The following CSMD1 variants were observed in gnomAD, a reference collection of about 807,000 sequenced individuals.
The protein encoded by CSMD1 is CUB and Sushi multiple domains 1, also known as CUB and sushi domain-containing protein 1.
In CSMD1, 213 loss-of-function variants were observed where a neutral mutation model predicts 417.5. The ratio of observed to expected loss-of-function variants is 0.51; its 90% CI spans 0.46 to 0.57. The LOEUF is 0.57. CSMD1 is among the 20% of genes least tolerant of loss of function. The pLI, the probability that CSMD1 is intolerant of heterozygous loss-of-function variation, is 0.00. For synonymous variants in CSMD1, 2,862 were observed against 1,736.8 expected (o/e 1.65, Z -16.11); for missense variants, 6,923 against 4,529.7 (o/e 1.53, Z -15.17).
At chr8:3,958,692 G>T (rs1298890939) in intron 5 of CSMD1, among the ~76,000 whole-genome samples, 2 of 152,088 alleles carry the variant, frequency 1.3e-5, no homozygotes, top group African/African-American at 4.8e-5. Context: ...AATGGATCAG[G>T]ACATAACTGA....
At chr8:3,663,847 T>G (rs1177013573) in intron 7 of CSMD1, among the ~76,000 whole-genome samples, 1 of 152,174 alleles carries the variant, frequency 6.6e-6, no homozygotes, top group Non-Finnish European at 1.5e-5. Flanking sequence ...GCACGTGTTA[T>G]CAGGATCTTC....
At chr8:3,762,481 T>A (rs1798060550) in intron 5 of CSMD1, among the ~76,000 whole-genome samples, 1 of 152,182 alleles carries the variant, frequency 6.6e-6, no homozygotes, top group Admixed American at 6.6e-5. Context: ...GGCACATGGC[T>A]GTGCTTTGGT....
At chr8:3,024,116 C>G (rs1446332975) in intron 51 of CSMD1, among the ~76,000 whole-genome samples, 3 of 150,300 alleles carry the variant, frequency 2.0e-5, no homozygotes, top group East Asian at 2.0e-4. Context: ...TATATTATTA[C>G]CAGGATTCAT....
intron 26 of CSMD1, among the ~76,000 whole-genome samples, chr8:3,251,058 T>C (rs1014253426): frequency 2.6e-5 from 4 of 152,194 alleles, no homozygotes; most frequent in African/African-American, 9.6e-5. Context: ...GCAGAAGCTC[T>C]TTAGTTTAAT....
At chr8:3,938,882 G>A (rs181924009) in intron 5 of CSMD1, among the ~76,000 whole-genome samples, 1 of 152,204 alleles carries the variant, frequency 6.6e-6, no homozygotes, top group East Asian at 1.9e-4. Context: ...CATTAAGTGT[G>A]ACAACTGTAT....
At chr8:3,061,980 G>A (rs1812618005) in intron 49 of CSMD1, among the ~76,000 whole-genome samples, 1 of 152,082 alleles carries the variant, frequency 6.6e-6, no homozygotes, top group South Asian at 2.1e-4. Flanking sequence ...ACTCTCCTGT[G>A]CTGTCTCTGG....
intron 10 of CSMD1, among the ~76,000 whole-genome samples, chr8:3,514,380 A>T (rs1216751828): frequency 2.0e-5 from 3 of 152,184 alleles, no homozygotes; most frequent in Non-Finnish European, 4.4e-5. Context: ...CACACCTAGC[A>T]ATACAACATG....
At chr8:4,230,022 A>C (rs950949360) in intron 3 of CSMD1, among the ~76,000 whole-genome samples, 3 of 152,222 alleles carry the variant, frequency 2.0e-5, no homozygotes, top group African/African-American at 7.2e-5. Flanking sequence ...TTTGCTATTC[A>C]ACATTTTAAA....
chr8:3,113,652 C>T (rs1307779593), intron 42 of CSMD1, among the ~76,000 whole-genome samples: 4 of 152,130 alleles, frequency 2.6e-5, no homozygotes, highest in African/African-American at 7.2e-5. Flanking sequence ...GGCTTCCCTT[C>T]GTTCATTGAC....
At chr8:3,960,376 G>A (rs1236370641) in intron 5 of CSMD1, among the ~76,000 whole-genome samples, 1 of 152,068 alleles carries the variant, frequency 6.6e-6, no homozygotes, top group East Asian at 1.9e-4. Flanking sequence ...CTACTTAAAA[G>A]CATGGCGTGA....
chr8:4,940,407 C>G (rs987120091), intron 1 of CSMD1, among the ~76,000 whole-genome samples: 1 of 152,046 alleles, frequency 6.6e-6, no homozygotes, highest in Non-Finnish European at 1.5e-5. Context: ...TAAGAAATTC[C>G]AATTATGTGT....
chr8:4,914,806 A>C (rs1178493270), intron 1 of CSMD1, among the ~76,000 whole-genome samples: 2 of 152,160 alleles, frequency 1.3e-5, no homozygotes, highest in Non-Finnish European at 2.9e-5. Flanking sequence ...ATGTAAGACA[A>C]AGCTGTGGCA....
At chr8:3,151,605 G>C in intron 39 of CSMD1, 92 bp from the exon 40 acceptor site, 3 of 771,068 alleles carry the variant, frequency 3.9e-6, no homozygotes, top group East Asian at 2.7e-5. Flanking sequence ...TGCTGAGAAA[G>C]AGCAAGTCTT....
intron 50 of CSMD1, among the ~76,000 whole-genome samples, chr8:3,039,581 T>C (rs1233056305): frequency 6.6e-6 from 1 of 151,962 alleles, no homozygotes; most frequent in African/African-American, 2.4e-5. Flanking sequence ...TCATACATTA[T>C]GACAATAAAC....
chr8:3,039,576 C>T (rs903957582), intron 50 of CSMD1, among the ~76,000 whole-genome samples: 1 of 151,712 alleles, frequency 6.6e-6, no homozygotes, highest in Non-Finnish European at 1.5e-5. Flanking sequence ...CTTCCTCATA[C>T]ATTATGACAA....
chr8:3,320,696 TGAAA>T (rs1207633022), intron 23 of CSMD1, among the ~76,000 whole-genome samples: 2 of 152,174 alleles, frequency 1.3e-5, no homozygotes, highest in Non-Finnish European at 2.9e-5. Flanking sequence ...TCTCATTCTT[TGAAA>T]GAATTTCTGC....
chr8:4,726,113 G>A (rs964987083), intron 1 of CSMD1, among the ~76,000 whole-genome samples: 2 of 152,080 alleles, frequency 1.3e-5, no homozygotes, highest in South Asian at 2.1e-4. Flanking sequence ...ATAACACACG[G>A]GGAGGACAAG....
At chr8:3,047,648 TC>T (rs1811547016) in intron 50 of CSMD1, among the ~76,000 whole-genome samples, 1 of 152,166 alleles carries the variant, frequency 6.6e-6, no homozygotes, top group Non-Finnish European at 1.5e-5. Context: ...GCTTCTCCCT[TC>T]CTTTACCCCC....
At chr8:4,174,960 A>G (rs2131152187) in intron 3 of CSMD1, among the ~76,000 whole-genome samples, 1 of 151,626 alleles carries the variant, frequency 6.6e-6, no homozygotes, top group East Asian at 2.0e-4. Flanking sequence ...CTTTAAAATT[A>G]GTATTGATGG....
Sources: gnomAD v4.1 joint callset for allele counts (sites outside exome capture counted in the v4.1 genomes callset) on GRCh38, gnomAD v4.1.1 for gene constraint, MANE v1.5 for transcripts, NCBI Gene and HGNC (gene_info 2026-07-23, HGNC 2026-07-21) for gene names.